The following APOH variants were observed in gnomAD, a reference collection of about 807,000 sequenced individuals.
The protein encoded by APOH is apolipoprotein H.
Under a neutral mutation model 39.8 loss-of-function variants are expected in APOH, and 48 were observed. That is an observed-to-expected ratio of 1.21 (90% CI 0.96 to 1.54). The LOEUF is 1.54. Ranked by LOEUF, APOH falls within the 40% of genes most tolerant of loss-of-function variation. APOH has a pLI of 0.00. For synonymous variants in APOH, 153 were observed against 151.1 expected (o/e 1.01, Z -0.09); for missense variants, 415 against 421.2 (o/e 0.99, Z 0.13).
At chr17:66,226,893 TTA>T (rs201694421) in intron 2 of APOH, among the ~76,000 whole-genome samples, 2,000 of 93,224 alleles carry the variant, frequency 0.021, 50 homozygotes, top group African/African-American at 0.093. Flanking sequence ...ATTTATTTAT[TTA>T]TTTTTTTTTT....
At chr17:66,222,935 T>C (rs1046504165) in intron 4 of APOH, among the ~76,000 whole-genome samples, 1 of 152,164 alleles carries the variant, frequency 6.6e-6, no homozygotes, top group Non-Finnish European at 1.5e-5. Flanking sequence ...AGTATTGAAA[T>C]GCCTGGGCCT....
At chr17:66,225,904 C>T in intron 3 of APOH, 124 bp downstream of exon 3, 2 of 579,442 alleles carry the variant, frequency 3.5e-6, no homozygotes, top group Non-Finnish European at 5.8e-6. Flanking sequence ...GGACTAAAAT[C>T]GATTTGCATT....
Position 66,223,702 on chromosome 17 carries a change from A to G in APOH, c.411T>C (p.Cys137=). Residue 137 remains cysteine, a synonymous_variant, in exon 4 of 8, where the codon TGT becomes TGC. Transcript: ENST00000205948. ...EGKWSPELPV[C]APIICPPPSI... ...TCACCTTGCCCACAGACTTACGAGCACAGACAGGAAGCTCCGGGCTCCATT... is the reference window on the plus strand; with the variant it reads ...TCACCTTGCCCACAGACTTACGAGCGCAGACAGGAAGCTCCGGGCTCCATT... The G allele has an allele frequency of 6.2e-7, 1 of 1,614,178 alleles. No individual in the cohort carries two copies. Among genetic ancestry groups the G allele is most frequent in the Non-Finnish European group, 8.5e-7 (1 of 1,179,976 alleles).
chr17:66,226,161 G>T, intron 2 of APOH, 37 bp from the exon 3 acceptor site: 1 of 1,445,420 alleles, frequency 6.9e-7, no homozygotes, highest in Non-Finnish European at 9.4e-7. Flanking sequence ...CTTTTCTTTG[G>T]GCTAAAAAAA....
chr17:66,223,836 T>A (rs970943085), intron 3 of APOH, 62 bp from the exon 4 acceptor site: 4 of 1,384,388 alleles, frequency 2.9e-6, no homozygotes, highest in Non-Finnish European at 4.1e-6. Context: ...ATCTCAAATA[T>A]CTTCTCCATT....
intron 4 of APOH, 110 bp downstream of exon 4, chr17:66,223,588 C>T: frequency 2.2e-6 from 2 of 902,860 alleles, no homozygotes; most frequent in South Asian, 1.4e-5. Context: ...ACAAGGGTGA[C>T]CATTCATCTC....
intron 4 of APOH, 21 bp from the exon 5 acceptor site, chr17:66,220,763 C>A (rs1363249975): frequency 1.9e-6 from 3 of 1,582,282 alleles, no homozygotes; most frequent in South Asian, 2.3e-5. Context: ...AAAGAACTAT[C>A]ATTTCTATGA....
intron 3 of APOH, among the ~76,000 whole-genome samples, chr17:66,224,342 T>C (rs924105582): frequency 4.0e-5 from 6 of 151,468 alleles, no homozygotes; most frequent in African/African-American, 1.5e-4. Flanking sequence ...TGTGTGCCTA[T>C]AGTCCAAGCT....
chr17:66,228,526 G>A (rs1487793907), intron 1 of APOH: 1 of 205,830 alleles, frequency 4.9e-6, no homozygotes. Flanking sequence ...TATCAGCTGG[G>A]CGCAGTTGCT....
chr17:66,226,340 T>A (rs1183859373), intron 2 of APOH, among the ~76,000 whole-genome samples: 1 of 152,200 alleles, frequency 6.6e-6, no homozygotes, highest in Non-Finnish European at 1.5e-5. Flanking sequence ...TTTCTCCTAA[T>A]AACAGAATTT....
chr17:66,219,665 G>A (rs145134082), intron 5 of APOH, among the ~76,000 whole-genome samples: 2 of 152,254 alleles, frequency 1.3e-5, no homozygotes, highest in East Asian at 1.9e-4. Flanking sequence ...ACACCTGTAA[G>A]CCCAGCACTT....
chr17:66,217,802 G>C (rs1467080883), intron 5 of APOH, among the ~76,000 whole-genome samples: 1 of 152,056 alleles, frequency 6.6e-6, no homozygotes, highest in Non-Finnish European at 1.5e-5. Flanking sequence ...AATTAGCCGG[G>C]TGTGGTGGCA....
At chr17:66,228,401 A>C (rs886972524) in intron 1 of APOH, among the ~76,000 whole-genome samples, 1 of 152,210 alleles carries the variant, frequency 6.6e-6, no homozygotes, top group African/African-American at 2.4e-5. Flanking sequence ...TTTACAGGTC[A>C]GTATGCTGAG....
rs186630085 is a variant in APOH at position 66,220,677 on chromosome 17, C to A, written c.481G>T (p.Gly161Ter). The change falls in exon 5 of 8, where the codon GGA (glycine) becomes TGA (stop). Residue 161 changes from glycine to a stop codon, truncating the protein, a stop_gained. Coordinates refer to ENST00000205948, the MANE Select transcript of APOH (RefSeq NM_000042.3). LOFTEE classifies it high-confidence loss of function. Reference sequence around the variant, plus strand: ...GTGTCCCGATAGAGGGAATTGTTTCCAGCTGATGGCTTATAAACACGAAGT... The same window carrying A: ...GTGTCCCGATAGAGGGAATTGTTTCAAGCTGATGGCTTATAAACACGAAGT... ...ATLRVYKPSA[G>*]NNSLYRDTAV... 2.0e-5 allele frequency: 32 copies of A among 1,614,076 alleles called. No individual in the cohort carries two copies. The highest frequency in any genetic ancestry group is 2.7e-5 in the Non-Finnish European group (32 of 1,180,010).
Position 66,214,635 on chromosome 17 carries a change from G to C in APOH, c.800C>G (p.Pro267Arg), listed in dbSNP as rs748005778. The C allele has an allele frequency of 5.6e-6, 9 of 1,612,372 alleles. No individual in the cohort carries two copies. The highest frequency in any genetic ancestry group is 3.3e-4 in the Middle Eastern group (2 of 6,058). ...MPSCKASCKV[P>R]VKKATVVYQG... ...GTACACCACAGTGGCTTTTTTCACA[G>C]GTACTTTACAAGATGCTGAAAGAGA... The change falls in exon 7 of 8, where the codon CCT becomes CGT. Residue 267 changes from proline (P) to arginine (R), a missense_variant. Transcript: ENST00000205948.
chr17:66,216,737 T>C (rs754027264), intron 6 of APOH, 51 bp downstream of exon 6: 19 of 1,467,122 alleles, frequency 1.3e-5, no homozygotes, highest in Non-Finnish European at 1.7e-5. Flanking sequence ...GTAAAGGTGA[T>C]CCACTGTATC....
At chr17:66,221,129 G>A (rs1331162796) in intron 4 of APOH, among the ~76,000 whole-genome samples, 1 of 151,696 alleles carries the variant, frequency 6.6e-6, no homozygotes, top group African/African-American at 2.4e-5. Context: ...GGAGGCGGAG[G>A]TTGCAGTGAG....
intron 1 of APOH, among the ~76,000 whole-genome samples, chr17:66,228,806 A>AAAAC (rs1555573195): frequency 2.6e-5 from 4 of 151,358 alleles, no homozygotes; most frequent in African/African-American, 9.7e-5. Flanking sequence ...TCTCAAAAAA[A>AAAAC]AAAAAAAAGA....
intron 5 of APOH, among the ~76,000 whole-genome samples, chr17:66,218,113 T>G (rs2073376329): frequency 6.6e-6 from 1 of 152,214 alleles, no homozygotes; most frequent in African/African-American, 2.4e-5. Context: ...TCAAGGATCA[T>G]CATTGGATTC....
Sources: gnomAD v4.1 joint callset for allele counts (sites outside exome capture counted in the v4.1 genomes callset) on GRCh38, gnomAD v4.1.1 for gene constraint, MANE v1.5 for transcripts, NCBI Gene and HGNC (gene_info 2026-07-23, HGNC 2026-07-21) for gene names.